TNPO3: variants seen among roughly 807,000 people sequenced by gnomAD.
TNPO3 encodes transportin-3.
TNPO3 carries 65 observed loss-of-function variants against 122.8 expected under a neutral mutation model. The observed-to-expected ratio is 0.53, with a 90% confidence interval of 0.43 to 0.65. The LOEUF is 0.65. TNPO3 is among the 30% of genes least tolerant of loss of function. TNPO3 has a pLI of 0.00. For missense variants in TNPO3, 850 were observed against 1,136.7 expected, an observed-to-expected ratio of 0.75 and a Z score of 3.63; for synonymous variants, 372 against 411.2, an observed-to-expected ratio of 0.90 and a Z score of 1.15.
At chr7:129,028,481 C>G (rs148318118) in intron 1 of TNPO3, among the ~76,000 whole-genome samples, 1 of 152,058 alleles carries the variant, frequency 6.6e-6, no homozygotes, top group Admixed American at 6.5e-5. Context: ...AAATCCAAAG[C>G]TAGCAAAAAG....
At chr7:128,974,082 G>C (rs2128997702) in intron 18 of TNPO3, among the ~76,000 whole-genome samples, 1 of 151,610 alleles carries the variant, frequency 6.6e-6, no homozygotes, top group South Asian at 2.1e-4. Flanking sequence ...GCTGAGGTAG[G>C]AGAATCACTT....
chr7:129,012,575 T>G (rs1368861247), intron 4 of TNPO3, among the ~76,000 whole-genome samples: 2 of 152,108 alleles, frequency 1.3e-5, no homozygotes, highest in Non-Finnish European at 1.5e-5. Flanking sequence ...TTCCAAAATT[T>G]TAAAAACTCA....
intron 5 of TNPO3, among the ~76,000 whole-genome samples, chr7:129,003,964 CTT>C (rs1802290987): frequency 6.6e-6 from 1 of 152,104 alleles, no homozygotes; most frequent in African/African-American, 2.4e-5. Flanking sequence ...TGGGACATGA[CTT>C]TATTTACAGT....
At chr7:129,016,222 C>T (rs758785744) in intron 3 of TNPO3, among the ~76,000 whole-genome samples, 3 of 152,032 alleles carry the variant, frequency 2.0e-5, no homozygotes, top group Admixed American at 6.6e-5. Context: ...GGCCAAACCC[C>T]GCCTCTACTG....
intron 1 of TNPO3, among the ~76,000 whole-genome samples, chr7:129,048,001 G>A (rs548526579): frequency 6.6e-6 from 1 of 152,248 alleles, no homozygotes; most frequent in East Asian, 1.9e-4. Flanking sequence ...TGAGAGAAGT[G>A]CTTGAGCCCA....
chr7:128,969,127 T>C (rs1047250874), intron 20 of TNPO3, among the ~76,000 whole-genome samples: 1 of 152,232 alleles, frequency 6.6e-6, no homozygotes, highest in East Asian at 1.9e-4. Context: ...CTTAACAATA[T>C]GCTTACAATC....
At chr7:129,001,330 A>G in intron 5 of TNPO3, 96 bp from the exon 6 acceptor site, 1 of 987,794 alleles carries the variant, frequency 1.0e-6, no homozygotes, top group Non-Finnish European at 1.5e-6. Flanking sequence ...TCAACCATCG[A>G]TAGAAAATAT....
chr7:129,008,482 C>T (rs1802826371), intron 4 of TNPO3, among the ~76,000 whole-genome samples: 1 of 151,944 alleles, frequency 6.6e-6, no homozygotes, highest in African/African-American at 2.4e-5. Flanking sequence ...TCAAGACTTT[C>T]TTTGTTCCCC....
At chr7:128,990,991 A>G (rs1800685579) in intron 10 of TNPO3, among the ~76,000 whole-genome samples, 1 of 152,198 alleles carries the variant, frequency 6.6e-6, no homozygotes, top group African/African-American at 2.4e-5. Flanking sequence ...AAAAATATCA[A>G]ATCTCTCATT....
chr7:129,033,623 T>C (rs944030005), intron 1 of TNPO3, among the ~76,000 whole-genome samples: 2 of 152,018 alleles, frequency 1.3e-5, no homozygotes, highest in African/African-American at 4.8e-5. Flanking sequence ...GAACTGAATA[T>C]AAAATCTCAA....
At chr7:129,056,056 G>A (rs1809425670), upstream of TNPO3, 1 of 1,166,830 alleles carries the variant, frequency 8.6e-7, no homozygotes, top group East Asian at 2.4e-5. Context: ...GGGAGGAACT[G>A]GAAGATGAAC....
intron 1 of TNPO3, among the ~76,000 whole-genome samples, chr7:129,050,338 G>T (rs1183336014): frequency 6.8e-6 from 1 of 146,600 alleles, no homozygotes; most frequent in East Asian, 2.0e-4. Context: ...GAGCTGAGAT[G>T]GCGCCACTGC....
At chr7:128,959,815 A>G (rs1210284442) in intron 21 of TNPO3, among the ~76,000 whole-genome samples, 1 of 152,164 alleles carries the variant, frequency 6.6e-6, no homozygotes, top group Non-Finnish European at 1.5e-5. Context: ...TGAGGTCAGG[A>G]GTTTGAGACC....
At position 129,027,953 on chromosome 7, in the gene TNPO3, T is replaced by C. The variant is rs1193649684; in HGVS notation, c.121-9796A>G. ...CGTTAGGCCACAAAATAAGTCTTAATAAATTTTCAAAGACTGAAATCATAT... is the reference window on the plus strand; with the variant it reads ...CGTTAGGCCACAAAATAAGTCTTAACAAATTTTCAAAGACTGAAATCATAT... On this transcript the variant is annotated intron_variant, in intron 1 of 22. Coordinates refer to ENST00000265388, the MANE Select transcript of TNPO3 (RefSeq NM_012470.4). Among the ~76,000 whole-genome samples the C allele has an allele frequency of 4.6e-4, 70 of 152,196 alleles. 1 individual carries two copies. The highest frequency in any genetic ancestry group is 4.6e-3 in the Admixed American group (70 of 15,278).
At position 129,001,074 on chromosome 7, in the gene TNPO3, C is replaced by A; in HGVS notation, c.857G>T (p.Arg286Leu). The change falls in exon 6 of 23, where the codon CGT (arginine) becomes CTT (leucine). Residue 286 changes from arginine (R) to leucine (L), a missense_variant. By Grantham distance (102) the Arg-to-Leu change is moderately radical (BLOSUM62 -2). Transcript: ENST00000265388. Reference sequence around the variant, plus strand: ...AATTACTCACTTGTCTAAATCTTCACGTGCCACGGCCATATGATAGGCAGT... The same window carrying A: ...AATTACTCACTTGTCTAAATCTTCAAGTGCCACGGCCATATGATAGGCAGT... ...LETAYHMAVAREDLDKVLNYC... is the reference protein window; with the variant it reads ...LETAYHMAVALEDLDKVLNYC... 2 of 1,614,034 alleles carry A rather than the reference C, an allele frequency of 1.2e-6. No homozygotes were observed. The highest frequency in any genetic ancestry group is 1.7e-6 in the Non-Finnish European group (2 of 1,179,886).
chr7:129,003,816 T>C (rs1463043217), intron 5 of TNPO3, among the ~76,000 whole-genome samples: 1 of 152,316 alleles, frequency 6.6e-6, no homozygotes, highest in Admixed American at 6.5e-5. Flanking sequence ...GTAGAGGAGA[T>C]AATATAATCC....
At chr7:129,036,182 T>G (rs998090617) in intron 1 of TNPO3, among the ~76,000 whole-genome samples, 2 of 152,100 alleles carry the variant, frequency 1.3e-5, no homozygotes, top group African/African-American at 4.8e-5. Context: ...CTTGAACTCC[T>G]GACCTCATGA....
At chr7:128,967,622 T>C (rs1798051441) in intron 20 of TNPO3, among the ~76,000 whole-genome samples, 1 of 152,236 alleles carries the variant, frequency 6.6e-6, no homozygotes, top group Admixed American at 6.5e-5. Context: ...GCAGCGGGCA[T>C]CATTTCAGAA....
chr7:128,970,453 T>C, intron 19 of TNPO3, 138 bp from the exon 20 acceptor site: 3 of 675,044 alleles, frequency 4.4e-6, no homozygotes, highest in African/African-American at 1.8e-5. Flanking sequence ...TGTGTGTGTA[T>C]GCAGGTGTGT....
Sources: allele counts gnomAD v4.1 joint callset (sites outside exome capture counted in the v4.1 genomes callset), GRCh38; gene constraint gnomAD v4.1.1; transcripts MANE v1.5; gene names NCBI Gene and HGNC (gene_info 2026-07-23, HGNC 2026-07-21).